KCNK10: variants seen among roughly 807,000 people sequenced by gnomAD.
KCNK10 encodes the protein potassium channel subfamily K member 10.
In KCNK10, 25 loss-of-function variants were observed where a neutral mutation model predicts 47.7. That is an observed-to-expected ratio of 0.52 (90% CI 0.38 to 0.73). The LOEUF (loss-of-function observed/expected upper bound fraction) is 0.73, where lower values mean the gene tolerates loss of function less well. Among genes scored for constraint, KCNK10 ranks in the 30% least tolerant of loss-of-function variants. KCNK10 has a pLI of 0.00. For missense variants in KCNK10, 563 were observed against 714.5 expected (o/e 0.79, Z 2.42); for synonymous variants, 303 against 285.6 (o/e 1.06, Z -0.61).
intron 3 of KCNK10, among the ~76,000 whole-genome samples, chr14:88,240,128 C>A (rs187177716): frequency 5.9e-5 from 9 of 152,104 alleles, no homozygotes; most frequent in Admixed American, 1.3e-4. Context: ...GAAAAGAGCC[C>A]TTCTGTGATG....
intron 4 of KCNK10, among the ~76,000 whole-genome samples, chr14:88,225,405 T>A (rs1566692216): frequency 1.3e-5 from 1 of 77,788 alleles, no homozygotes; most frequent in South Asian, 4.5e-4. Flanking sequence ...AGCATAAAGA[T>A]GAAATGTGAG....
intron 1 of KCNK10, among the ~76,000 whole-genome samples, chr14:88,272,804 T>C (rs1366085945): frequency 1.3e-5 from 2 of 152,074 alleles, no homozygotes. Flanking sequence ...GAATGTATTA[T>C]GAGGCCTCAA....
chr14:88,259,718 A>G (rs546883713), intron 2 of KCNK10, among the ~76,000 whole-genome samples: 46 of 152,320 alleles, frequency 3.0e-4, no homozygotes, highest in African/African-American at 1.1e-3. Context: ...TGGCCCCCCA[A>G]GCTGCTGGGA....
intron 3 of KCNK10, among the ~76,000 whole-genome samples, chr14:88,233,008 G>T (rs1886198071): frequency 6.6e-6 from 1 of 152,210 alleles, no homozygotes; most frequent in South Asian, 2.1e-4. Flanking sequence ...GCAGCAGCCA[G>T]CAGGCTCAGT....
At chr14:88,198,239 G>C (rs1021668066) in intron 4 of KCNK10, among the ~76,000 whole-genome samples, 24 of 152,146 alleles carry the variant, frequency 1.6e-4, no homozygotes, top group Non-Finnish European at 3.4e-4. Flanking sequence ...AAAACATCCA[G>C]ACAAATCCTT....
At chr14:88,189,565 C>A (rs1287299666) in intron 5 of KCNK10, among the ~76,000 whole-genome samples, 1 of 152,146 alleles carries the variant, frequency 6.6e-6, no homozygotes, top group East Asian at 1.9e-4. Context: ...AGCAGGCAGT[C>A]AACACCCTTC....
chr14:88,229,814 TC>T (rs770697186), intron 3 of KCNK10, among the ~76,000 whole-genome samples: 74 of 152,294 alleles, frequency 4.9e-4, no homozygotes, highest in Admixed American at 1.1e-3. Flanking sequence ...GGAGCTTTGC[TC>T]TGAGGCAATG....
At position 88,322,442 on chromosome 14, in the gene KCNK10, C is replaced by T. The variant is rs1182578855; in HGVS notation, c.52+305G>A. Among the ~76,000 whole-genome samples the T allele has an allele frequency of 6.6e-6, 1 of 151,798 alleles. No homozygotes were observed. Among genetic ancestry groups the T allele is most frequent in the Non-Finnish European group, 1.5e-5 (1 of 67,936 alleles). On this transcript the variant is annotated intron_variant, in intron 1 of 6. Coordinates refer to ENST00000319231, the MANE Select transcript of KCNK10 (RefSeq NM_138317.3). This position sits in a 1 kb window ranked among gnomAD's most constrained non-coding sequence, Gnocchi z 4.8. ...ACACACACACACACACACACACACT[C>T]GCACACTCAAAGTCAAAAGCAAATA... is the stretch of plus-strand genomic sequence containing the variant.
intron 1 of KCNK10, among the ~76,000 whole-genome samples, chr14:88,298,241 T>C (rs1483982200): frequency 1.3e-5 from 2 of 152,196 alleles, no homozygotes; most frequent in Non-Finnish European, 2.9e-5. Flanking sequence ...ATTAATATCG[T>C]CCACGTTCAG....
chr14:88,249,780 G>C (rs2139901946), intron 2 of KCNK10, among the ~76,000 whole-genome samples: 1 of 152,198 alleles, frequency 6.6e-6, no homozygotes, highest in African/African-American at 2.4e-5. Context: ...TCCACAGTAA[G>C]CACCATGCCA....
At chr14:88,212,380 C>A (rs555249652) in intron 4 of KCNK10, among the ~76,000 whole-genome samples, 1 of 151,612 alleles carries the variant, frequency 6.6e-6, no homozygotes, top group South Asian at 2.1e-4. Context: ...GCAGAGGTTG[C>A]GGTGAGCCAA....
Position 88,283,967 on chromosome 14 carries a change from T to C in KCNK10, c.53-20416A>G, listed in dbSNP as rs1887711165. Among the ~76,000 whole-genome samples, 2 of 152,154 alleles carry C rather than the reference T, an allele frequency of 1.3e-5. 1 individual carries two copies. The highest frequency in any genetic ancestry group is 6.3e-3 in the Middle Eastern group (2 of 316). On this transcript the variant is annotated intron_variant, in intron 1 of 6. Coordinates refer to ENST00000319231, the MANE Select transcript of KCNK10 (RefSeq NM_138317.3). Reference sequence around the variant, plus strand: ...CCATACTGCTCTTGGATATTGTATTTTGTATGTTACAAATATATTAAATAT... The same window carrying C: ...CCATACTGCTCTTGGATATTGTATTCTGTATGTTACAAATATATTAAATAT...
At chr14:88,221,886 A>G (rs1885820723) in intron 4 of KCNK10, among the ~76,000 whole-genome samples, 1 of 152,252 alleles carries the variant, frequency 6.6e-6, no homozygotes, top group Non-Finnish European at 1.5e-5. Flanking sequence ...GAAATGGACT[A>G]CAAGCCATGA....
chr14:88,234,498 G>A (rs111430985), intron 3 of KCNK10, among the ~76,000 whole-genome samples: 191 of 152,298 alleles, frequency 1.3e-3, no homozygotes, highest in African/African-American at 4.3e-3. Context: ...TAAACCAATC[G>A]TTAGCCTCTG....
rs181843489 is a variant in KCNK10 at position 88,218,635 on chromosome 14, G to A, written c.681+8740C>T. Among the ~76,000 whole-genome samples, 692 of 151,654 alleles carry A rather than the reference G, an allele frequency of 4.6e-3. 3 individuals carry two copies. Among genetic ancestry groups the A allele is most frequent in the African/African-American group, 0.016 (672 of 41,402 alleles). The stretch of plus-strand genomic sequence containing the variant: ...ACCAGAAAGCCTGCTGATCCGAGCC[G>A]GAAAAAAAGAAGCAGGTACTTCCTA... On this transcript the variant is annotated intron_variant, in intron 4 of 6. Coordinates refer to ENST00000319231, the MANE Select transcript of KCNK10 (RefSeq NM_138317.3).
Position 88,323,112 on chromosome 14 carries a change from G to A in KCNK10, c.-314C>T. 6 of 1,196,932 alleles carry A rather than the reference G, an allele frequency of 5.0e-6. No homozygotes were observed. Among genetic ancestry groups the A allele is most frequent in the Non-Finnish European group, 6.3e-6 (6 of 955,440 alleles). 74.1% of individuals were successfully genotyped at this position (1,196,932 alleles called of 1,614,324 possible). A position where few individuals can be genotyped will look rare whatever the true frequency, so the allele number is the denominator to read the frequency against. ...AGGCTTGGGGAGATGGAAGAGCCAAGCTGCTTCCCAAAAGCGGTGCCGGCA... is the reference window on the plus strand; with the variant it reads ...AGGCTTGGGGAGATGGAAGAGCCAAACTGCTTCCCAAAAGCGGTGCCGGCA... On this transcript the variant is annotated 5_prime_UTR_variant, in exon 1 of 7. Coordinates refer to ENST00000319231, the MANE Select transcript of KCNK10 (RefSeq NM_138317.3).
rs1173158296 is a variant in KCNK10 at position 88,182,168 on chromosome 14, T to A, written c.*3367A>T. 1 of 151,892 alleles carries A rather than the reference T, an allele frequency of 6.6e-6. No individual in the cohort carries two copies. The highest frequency in any genetic ancestry group is 2.4e-5 in the African/African-American group (1 of 41,266). 9.4% of individuals were successfully genotyped at this position (151,892 alleles called of 1,614,324 possible). A position where few individuals can be genotyped will look rare whatever the true frequency, so the allele number is the denominator to read the frequency against. On this transcript the variant is annotated 3_prime_UTR_variant, in exon 7 of 7. Coordinates refer to ENST00000319231, the MANE Select transcript of KCNK10 (RefSeq NM_138317.3). The stretch of plus-strand genomic sequence containing the variant: ...GAGCTGTACTCTTTCCAGGAAAAAA[T>A]GCCCATTGGCTCTCTCACCAGTAAA...
In KCNK10 at chr14:88,257,384, G is replaced by A. The variant is rs533820568; in HGVS notation, c.402+5818C>T. On this transcript the variant is annotated intron_variant, in intron 2 of 6. Transcript: ENST00000319231. ...TTTCCACGTACTCTCATACTTCTCA[G>A]TTCAAGCCATTCTGATCACTTTCAA... 1.4e-4 allele frequency among the ~76,000 whole-genome samples: 22 copies of A among 152,282 alleles called. No homozygotes were observed. The South Asian group carries it at 3.5e-3, about 24-fold the overall frequency.
At chr14:88,220,828 C>T (rs1885785622) in intron 4 of KCNK10, among the ~76,000 whole-genome samples, 2 of 151,964 alleles carry the variant, frequency 1.3e-5, no homozygotes, top group Non-Finnish European at 2.9e-5. Context: ...ACAACAAACA[C>T]ATGCTCCATG....
Sources: gnomAD v4.1 joint callset for allele counts (sites outside exome capture counted in the v4.1 genomes callset) on GRCh38, gnomAD v4.1.1 for gene constraint, Gnocchi (gnomAD v3.1) non-coding constraint, MANE v1.5 for transcripts, NCBI Gene and HGNC (gene_info 2026-07-23, HGNC 2026-07-21) for gene names.